SLC2A13: variants seen among roughly 807,000 people sequenced by gnomAD.
SLC2A13 encodes proton myo-inositol cotransporter.
SLC2A13 carries 32 observed loss-of-function variants against 64.4 expected under a neutral mutation model. The ratio of observed to expected loss-of-function variants is 0.50; its 90% confidence interval spans 0.37 to 0.67. The LOEUF is 0.67. Among genes scored for constraint, SLC2A13 ranks in the 30% least tolerant of loss-of-function variants. SLC2A13 has a pLI of 0.00. For missense variants in SLC2A13, 743 were observed against 829.2 expected (o/e 0.90, Z 1.28); for synonymous variants, 338 against 327.1 (o/e 1.03, Z -0.36).
intron 4 of SLC2A13, among the ~76,000 whole-genome samples, chr12:39,876,809 C>T (rs895807153): frequency 9.9e-5 from 15 of 152,242 alleles, no homozygotes; most frequent in African/African-American, 3.4e-4. Context: ...GGAACATACT[C>T]TTCCTGACAA....
chr12:39,896,279 CATGTATGTATATGTGTGTATAT>C lies in SLC2A13; in HGVS notation c.1035-24340_1035-24319del, dbSNP rs1161239104. Among the ~76,000 whole-genome samples, 69 of 79,964 alleles carry C rather than the reference CATGTATGTATATGTGTGTATAT, an allele frequency of 8.6e-4. 1 individual carries two copies. The highest frequency in any genetic ancestry group is 2.9e-3 in the African/African-American group (65 of 22,232). 52.5% of individuals were successfully genotyped at this position (79,964 alleles called of 152,430 possible). On this transcript the variant is annotated intron_variant, in intron 4 of 9. Transcript: ENST00000280871. ...ATGTATATGTGTGTATATATGTATACATGTATGTATATGTGTGTATATATGTATACATATATGTATGTATATG... is the reference window on the plus strand; with the variant it reads ...ATGTATATGTGTGTATATATGTATACATGTATACATATATGTATGTATATG...
intron 1 of SLC2A13, among the ~76,000 whole-genome samples, chr12:40,053,030 C>T (rs1486085838): frequency 6.6e-6 from 1 of 152,060 alleles, no homozygotes; most frequent in African/African-American, 2.4e-5. Flanking sequence ...TGCCTATAAT[C>T]CCAGCACTTT....
chr12:40,047,089 A>G (rs1329047447), intron 2 of SLC2A13, among the ~76,000 whole-genome samples: 1 of 151,958 alleles, frequency 6.6e-6, no homozygotes, highest in Non-Finnish European at 1.5e-5. Flanking sequence ...TTCAGTAGAG[A>G]CAGGGTTTCA....
Position 39,813,091 on chromosome 12 carries a change from T to G in SLC2A13, c.1445+17012A>C, listed in dbSNP as rs376738919. 5.2e-5 allele frequency among the ~76,000 whole-genome samples: 7 copies of G among 135,706 alleles called. No homozygotes were observed. The South Asian group carries it at 1.8e-3, about 34-fold the overall frequency. 89.0% of individuals were successfully genotyped at this position (135,706 alleles called of 152,430 possible). A position where few individuals can be genotyped will look rare whatever the true frequency, so the allele number is the denominator to read the frequency against. On this transcript the variant is annotated intron_variant, in intron 7 of 9. Coordinates refer to ENST00000280871, the MANE Select transcript of SLC2A13 (RefSeq NM_052885.4). Reference sequence around the variant, plus strand: ...AACTCCTGGCCTCAAGTGATCCACCTACCTCGGCCTCCCAATGTGCTGGGA... The same window carrying G: ...AACTCCTGGCCTCAAGTGATCCACCGACCTCGGCCTCCCAATGTGCTGGGA...
At chr12:39,923,018 T>C (rs150829866) in intron 4 of SLC2A13, among the ~76,000 whole-genome samples, 26 of 152,284 alleles carry the variant, frequency 1.7e-4, no homozygotes, top group Non-Finnish European at 1.5e-4. Flanking sequence ...ATACTAATGA[T>C]ACAATGATCC....
intron 4 of SLC2A13, among the ~76,000 whole-genome samples, chr12:39,905,736 T>A (rs12301002): frequency 6.6e-6 from 1 of 151,628 alleles, no homozygotes; most frequent in Non-Finnish European, 1.5e-5. Context: ...GAAGCAATCA[T>A]GTATATCTTT....
chr12:40,025,523 A>G (rs567791583), intron 3 of SLC2A13, among the ~76,000 whole-genome samples: 13 of 152,346 alleles, frequency 8.5e-5, no homozygotes, highest in African/African-American at 3.1e-4. Context: ...TGGTTTACTG[A>G]TCCAGAATCA....
At chr12:39,854,668 T>C (rs777378694) in intron 6 of SLC2A13, among the ~76,000 whole-genome samples, 2 of 152,204 alleles carry the variant, frequency 1.3e-5, no homozygotes, top group Non-Finnish European at 2.9e-5. Context: ...GCTTTGATCA[T>C]GGTACCCTCC....
intron 6 of SLC2A13, among the ~76,000 whole-genome samples, chr12:39,843,134 C>A (rs1943219496): frequency 6.6e-6 from 1 of 151,662 alleles, no homozygotes; most frequent in South Asian, 2.1e-4. Flanking sequence ...GGGTATATGC[C>A]CAAGGGTGGA....
Position 40,105,295 on chromosome 12 carries a change from CCTT to C in SLC2A13, c.511_513del (p.Lys171del). 6.2e-7 allele frequency: 1 copy of C among 1,602,566 alleles called. No homozygotes were observed. Among genetic ancestry groups the C allele is most frequent in the Non-Finnish European group, 8.5e-7 (1 of 1,176,338 alleles). ...ACCAGGCGGCCGGCGAGCAGTGTCT[CCTT>C]GTTGTTGGCCGCAGCCAGCACCGCG... On this transcript the variant is annotated inframe_deletion, in exon 1 of 10. Transcript: ENST00000280871. This position sits in a 1 kb window ranked among gnomAD's most constrained non-coding sequence, Gnocchi z 4.2.
At chr12:39,821,516 T>C (rs939146857) in intron 7 of SLC2A13, among the ~76,000 whole-genome samples, 1 of 152,144 alleles carries the variant, frequency 6.6e-6, no homozygotes, top group Non-Finnish European at 1.5e-5. Context: ...AGAGAGCGAA[T>C]TGCAGTGGGA....
rs534455554 is a variant in SLC2A13, at chr12:39,896,606, A to G, written c.1035-24645T>C. Among the ~76,000 whole-genome samples, 83 of 151,328 alleles carry G rather than the reference A, an allele frequency of 5.5e-4. 1 individual carries two copies. Among genetic ancestry groups the G allele is most frequent in the Middle Eastern group, 4.0e-3 (1 of 250 alleles). On this transcript the variant is annotated intron_variant, in intron 4 of 9. Transcript: ENST00000280871. ...TATATATGTATACATATATGTATGT[A>G]TATGTGTTTATATGTAAATTACATA...
intron 3 of SLC2A13, among the ~76,000 whole-genome samples, chr12:40,009,939 A>T (rs1423385585): frequency 6.6e-6 from 1 of 152,176 alleles, no homozygotes; most frequent in East Asian, 1.9e-4. Flanking sequence ...ACATTAGGTT[A>T]TTTGTCATAT....
At chr12:39,925,172 A>G (rs76704216) in intron 4 of SLC2A13, among the ~76,000 whole-genome samples, 318 of 151,312 alleles carry the variant, frequency 2.1e-3, no homozygotes, top group Middle Eastern at 3.5e-3. Flanking sequence ...AGCTGGGACT[A>G]TGGGGTACAC....
intron 1 of SLC2A13, among the ~76,000 whole-genome samples, chr12:40,103,056 A>G (rs1939197866): frequency 6.6e-6 from 1 of 152,188 alleles, no homozygotes; most frequent in Non-Finnish European, 1.5e-5. Flanking sequence ...GATGGGCCAC[A>G]CCAGAACTGA....
chr12:39,871,225 T>TA (rs534427468), intron 5 of SLC2A13, among the ~76,000 whole-genome samples: 6 of 151,980 alleles, frequency 3.9e-5, no homozygotes, highest in African/African-American at 1.2e-4. Flanking sequence ...ACTTGGGAAT[T>TA]AAAAAAAAGG....
chr12:40,078,230 T>G (rs1358477623), intron 1 of SLC2A13, among the ~76,000 whole-genome samples: 1 of 152,178 alleles, frequency 6.6e-6, no homozygotes, highest in African/African-American at 2.4e-5. Context: ...CTTGTTCTGG[T>G]TCTCAAGGAA....
At chr12:39,809,933 G>C (rs998379846) in intron 7 of SLC2A13, among the ~76,000 whole-genome samples, 1 of 152,118 alleles carries the variant, frequency 6.6e-6, no homozygotes, top group African/African-American at 2.4e-5. Flanking sequence ...TTGGTTTCAA[G>C]TCTTTGCTAT....
At chr12:39,899,608 G>A (rs1436261185) in intron 4 of SLC2A13, among the ~76,000 whole-genome samples, 5 of 151,952 alleles carry the variant, frequency 3.3e-5, no homozygotes, top group Non-Finnish European at 7.4e-5. Context: ...GCTTTCTCTT[G>A]TGGGCTTTTA....
Sources: allele counts gnomAD v4.1 joint callset (sites outside exome capture counted in the v4.1 genomes callset), GRCh38; gene constraint gnomAD v4.1.1; non-coding constraint Gnocchi (gnomAD v3.1); transcripts MANE v1.5; gene names NCBI Gene and HGNC (gene_info 2026-07-23, HGNC 2026-07-21).